The following COL27A1 variants were observed in gnomAD, a reference collection of about 807,000 sequenced individuals.
COL27A1 encodes the protein collagen type XXVII alpha 1 chain, also known as collagen alpha-1(XXVII) chain.
In COL27A1, 106 loss-of-function variants were observed where a neutral mutation model predicts 251.3. The observed-to-expected ratio is 0.42, with a 90% CI of 0.36 to 0.50. COL27A1 has a LOEUF of 0.50. COL27A1 is among the 20% of genes least tolerant of loss of function. The probability of loss-of-function intolerance (pLI) is 0.00; values close to 1 mark genes in which losing one functional copy is unlikely to be tolerated. For synonymous variants in COL27A1, 1,000 were observed against 986.3 expected (o/e 1.01, Z -0.26); for missense variants, 2,325 against 2,522.8 (o/e 0.92, Z 1.68).
At chr9:114,230,766 A>G (rs1831888853) in intron 14 of COL27A1, among the ~76,000 whole-genome samples, 1 of 152,202 alleles carries the variant, frequency 6.6e-6, no homozygotes, top group African/African-American at 2.4e-5. Flanking sequence ...AAAATAGTCA[A>G]ATGAAAAGCC....
intron 48 of COL27A1, among the ~76,000 whole-genome samples, chr9:114,291,621 C>A (rs1335087192): frequency 6.6e-6 from 1 of 152,148 alleles, no homozygotes; most frequent in Non-Finnish European, 1.5e-5. Flanking sequence ...TGGTGGCAGG[C>A]ACCTGTAGTC....
chr9:114,220,716 G>A (rs1360536023), intron 13 of COL27A1, among the ~76,000 whole-genome samples: 7 of 152,142 alleles, frequency 4.6e-5, no homozygotes, highest in Non-Finnish European at 7.3e-5. Flanking sequence ...GCCTGAGGCC[G>A]GGCGCAGTGG....
chr9:114,290,375 C>G lies in COL27A1; in HGVS notation c.4368+44C>G, dbSNP rs998290814. 4 of 1,496,758 alleles carry G rather than the reference C, an allele frequency of 2.7e-6. No individual in the cohort carries two copies. In the African/African-American group the frequency reaches 5.5e-5, roughly 21 times the overall value. The allele number at this position is 1,496,758 out of a possible 1,614,324, so 92.7% of individuals were successfully genotyped here. On this transcript the variant is annotated intron_variant, in intron 47 of 60. Coordinates refer to ENST00000356083, the MANE Select transcript of COL27A1 (RefSeq NM_032888.4). The surrounding 1 kb of genome is among the most constrained non-coding windows in gnomAD (Gnocchi z 4.6). ...TAACAGATGGTGGCTCCATTTGGGACCAGGTGTAGGGGAACTTCCCCAGGC... is the reference window on the plus strand; with the variant it reads ...TAACAGATGGTGGCTCCATTTGGGAGCAGGTGTAGGGGAACTTCCCCAGGC...
chr9:114,306,252 C>A, intron 57 of COL27A1: 2 of 360,360 alleles, frequency 5.6e-6, no homozygotes, highest in Non-Finnish European at 1.0e-5. Flanking sequence ...ACCTCATTCA[C>A]GGGGCTCTGC....
At chr9:114,301,857 G>T in intron 55 of COL27A1, 140 bp downstream of exon 55, 1 of 939,872 alleles carries the variant, frequency 1.1e-6, no homozygotes, top group Non-Finnish European at 1.6e-6. Context: ...GGAGAGTATA[G>T]GGCATCCCCC....
At chr9:114,209,410 C>T (rs779586623) in intron 10 of COL27A1, 10 of 739,232 alleles carry the variant, frequency 1.4e-5, no homozygotes, top group Admixed American at 3.5e-5. Flanking sequence ...GGGCGGGCCT[C>T]CTGCCGGCGA....
chr9:114,255,317 A>G (rs1005041077), intron 27 of COL27A1, among the ~76,000 whole-genome samples: 2 of 151,778 alleles, frequency 1.3e-5, no homozygotes, highest in Admixed American at 1.3e-4. Flanking sequence ...GTGGTCAGAG[A>G]TAGAGTGATT....
rs111788188 is a variant in COL27A1, at chr9:114,290,142, A to T, written c.4260+31A>T. On this transcript the variant is annotated intron_variant, in intron 46 of 60. Transcript: ENST00000356083. The surrounding 1 kb of genome is among the most constrained non-coding windows in gnomAD (Gnocchi z 4.6). ...TGACTACAGCTGCTGTTTCCAGCCA[A>T]CCTCCCTGCCCGCCCCCCACACCCG... 6.2e-7 allele frequency: 1 copy of T among 1,609,384 alleles called. No homozygotes were observed. Among genetic ancestry groups the T allele is most frequent in the East Asian group, 2.2e-5 (1 of 44,758 alleles).
chr9:114,206,273 G>A lies in COL27A1; in HGVS notation c.2245G>A (p.Asp749Asn). 3.1e-6 allele frequency: 5 copies of A among 1,614,166 alleles called. No individual in the cohort carries two copies. Among genetic ancestry groups the A allele is most frequent in the Non-Finnish European group, 4.2e-6 (5 of 1,180,000 alleles). Reference sequence around the variant, plus strand: ...TCAGGGGTTACCTGGACCGGTAGGAGATCCCGGCCCCAAAGGCAGCAGGGT... The same window carrying A: ...TCAGGGGTTACCTGGACCGGTAGGAAATCCCGGCCCCAAAGGCAGCAGGGT... Reference protein sequence around the residue: ...GRQGLPGPVGDPGPKGSRGYI... With the variant: ...GRQGLPGPVGNPGPKGSRGYI... The change falls in exon 10 of 61, where the codon GAT becomes AAT. Residue 749 changes from aspartate to asparagine, a missense_variant. This residue lies in a region of COL27A1 where 1,183 missense variants were observed against 1,144.1 expected (regional missense o/e 1.03). Coordinates refer to ENST00000356083, the MANE Select transcript of COL27A1 (RefSeq NM_032888.4).
At chr9:114,164,384 G>A (rs1321733392) in intron 2 of COL27A1, among the ~76,000 whole-genome samples, 1 of 152,216 alleles carries the variant, frequency 6.6e-6, no homozygotes, top group African/African-American at 2.4e-5. Context: ...GCTCTGTGCT[G>A]GTCACATTTG....
chr9:114,255,464 G>C (rs1015065176), intron 27 of COL27A1, among the ~76,000 whole-genome samples: 3 of 152,186 alleles, frequency 2.0e-5, no homozygotes, highest in Admixed American at 6.5e-5. Context: ...CTGTCTAGTG[G>C]GAGGAGGAAA....
chr9:114,178,421 T>C, intron 4 of COL27A1, 77 bp downstream of exon 4: 4 of 1,345,746 alleles, frequency 3.0e-6, no homozygotes, highest in Non-Finnish European at 4.3e-6. Flanking sequence ...AGGTCTCGGG[T>C]TTGCTGTGTG....
chr9:114,159,028 C>T (rs1460035106), intron 1 of COL27A1, among the ~76,000 whole-genome samples: 2 of 152,186 alleles, frequency 1.3e-5, no homozygotes, highest in Admixed American at 6.5e-5. Flanking sequence ...TGGCCTTCTT[C>T]CACTCTGACA....
In COL27A1 at chr9:114,246,939, G is replaced by A. The variant is rs1482254810; in HGVS notation, c.2979+1029G>A. 4.0e-5 allele frequency among the ~76,000 whole-genome samples: 6 copies of A among 151,868 alleles called. No individual in the cohort carries two copies. In the East Asian group the frequency reaches 9.7e-4, roughly 25 times the overall value. ...GTTATGCTAATGGTAGGGCCCTCGG[G>A]AAATAGATATGCAGGGTCTTGGAAG... On this transcript the variant is annotated intron_variant, in intron 24 of 60. Transcript: ENST00000356083.
intron 16 of COL27A1, among the ~76,000 whole-genome samples, chr9:114,232,557 G>A (rs1343668007): frequency 1.3e-5 from 2 of 152,246 alleles, no homozygotes; most frequent in East Asian, 3.9e-4. Context: ...CCCCGAAGGG[G>A]GTGCAGGAGG....
intron 55 of COL27A1, among the ~76,000 whole-genome samples, 172 bp downstream of exon 55, chr9:114,301,889 TG>T (rs1263173917): frequency 6.6e-6 from 1 of 152,122 alleles, no homozygotes; most frequent in African/African-American, 2.4e-5. Flanking sequence ...TTTGCCTACG[TG>T]GGGTAACACC....
intron 1 of COL27A1, among the ~76,000 whole-genome samples, chr9:114,158,423 C>A (rs569343563): frequency 6.6e-6 from 1 of 152,330 alleles, no homozygotes; most frequent in East Asian, 1.9e-4. Context: ...GGGCCTTTTG[C>A]AAGGGCATAG....
At chr9:114,284,415 A>C (rs1023537044) in intron 40 of COL27A1, among the ~76,000 whole-genome samples, 1 of 152,122 alleles carries the variant, frequency 6.6e-6, no homozygotes, top group African/African-American at 2.4e-5. Flanking sequence ...TGAGGCAAGC[A>C]TTTTGCCCCT....
intron 5 of COL27A1, among the ~76,000 whole-genome samples, chr9:114,186,797 C>T (rs1158555755): frequency 6.6e-6 from 1 of 151,996 alleles, no homozygotes; most frequent in Non-Finnish European, 1.5e-5. Flanking sequence ...CAGAGCTTGG[C>T]TGGTGGCCAG....
Sources: allele counts gnomAD v4.1 joint callset (sites outside exome capture counted in the v4.1 genomes callset), GRCh38; gene constraint gnomAD v4.1.1; regional missense constraint gnomAD v4.1.1; non-coding constraint Gnocchi (gnomAD v3.1); transcripts MANE v1.5; gene names NCBI Gene and HGNC (gene_info 2026-07-23, HGNC 2026-07-21).